BRCA1: variants seen among roughly 807,000 people sequenced by gnomAD.
The protein encoded by BRCA1 is breast cancer type 1 susceptibility protein.
A neutral mutation model predicts 173.7 loss-of-function variants in BRCA1; 140 were observed. The ratio of observed to expected loss-of-function variants is 0.81; its 90% confidence interval spans 0.70 to 0.93. The LOEUF is 0.93. Ranked by LOEUF, BRCA1 falls within the 40% of genes least tolerant of loss-of-function variation. The pLI is 0.00. For missense variants in BRCA1, 1,983 were observed against 2,172.5 expected (o/e 0.91, Z 1.73); for synonymous variants, 662 against 756.0 (o/e 0.88, Z 2.04).
At chr17:43,154,550 T>G (rs1251396160) in intron 1 of BRCA1, among the ~76,000 whole-genome samples, 1 of 151,798 alleles carries the variant, frequency 6.6e-6, no homozygotes, top group Non-Finnish European at 1.5e-5. Flanking sequence ...AAAATAATAA[T>G]AATAATAAGC....
chr17:43,151,323 A>C (rs974254148), intron 1 of BRCA1, among the ~76,000 whole-genome samples: 2 of 152,162 alleles, frequency 1.3e-5, no homozygotes, highest in African/African-American at 4.8e-5. Flanking sequence ...TCACACCTGT[A>C]ATCCCCACAT....
chr17:43,061,804 C>G lies in BRCA1; in HGVS notation c.5193+1529G>C, dbSNP rs796285317. ...TTCACCATGTTGACCAGGCTGGTCTCGAACTCCTGACCTCAAGTGATCCAC... is the reference window on the plus strand; with the variant it reads ...TTCACCATGTTGACCAGGCTGGTCTGGAACTCCTGACCTCAAGTGATCCAC... On this transcript the variant is annotated intron_variant, in intron 18 of 22. Coordinates refer to ENST00000357654, the MANE Select transcript of BRCA1 (RefSeq NM_007294.4). Among the ~76,000 whole-genome samples the G allele has an allele frequency of 1.1e-4, 17 of 151,984 alleles. No homozygotes were observed. In the East Asian group the frequency reaches 2.1e-3, roughly 19 times the overall value.
At chr17:43,150,993 A>G (rs1370331767) in intron 1 of BRCA1, among the ~76,000 whole-genome samples, 1 of 152,172 alleles carries the variant, frequency 6.6e-6, no homozygotes, top group Non-Finnish European at 1.5e-5. Context: ...GGCTGTGCCC[A>G]TCAAACACAG....
chr17:43,138,513 T>G, intron 1 of BRCA1: 1 of 643,222 alleles, frequency 1.6e-6, no homozygotes, highest in South Asian at 1.8e-5. Flanking sequence ...TTGCAAAGCC[T>G]CGGACACCCA....
At chr17:43,083,114 G>A (rs1247712883) in intron 11 of BRCA1, among the ~76,000 whole-genome samples, 1 of 151,800 alleles carries the variant, frequency 6.6e-6, no homozygotes, top group East Asian at 1.9e-4. Flanking sequence ...TAGATTACTG[G>A]CTTGTGAGGA....
chr17:43,106,653 A>T, intron 3 of BRCA1, 120 bp from the exon 4 acceptor site: 1 of 727,690 alleles, frequency 1.4e-6, no homozygotes, highest in Non-Finnish European at 2.3e-6. Context: ...CCATTTAAAA[A>T]GTAATGGCAG....
At chr17:43,080,843 C>G (rs1030555802) in intron 12 of BRCA1, among the ~76,000 whole-genome samples, 1 of 151,576 alleles carries the variant, frequency 6.6e-6, no homozygotes, top group South Asian at 2.1e-4. Context: ...GGCTCAAGAT[C>G]AGGAGTTCAA....
intron 13 of BRCA1, 108 bp downstream of exon 13, chr17:43,076,380 C>T: frequency 1.5e-6 from 2 of 1,350,218 alleles, no homozygotes; most frequent in South Asian, 1.2e-5. Context: ...TGTATAAATG[C>T]CTGTATGCAA....
upstream of BRCA1, among the ~76,000 whole-genome samples, chr17:43,129,166 C>G (rs2055943258): frequency 6.6e-6 from 1 of 152,202 alleles, no homozygotes; most frequent in Admixed American, 6.5e-5. Context: ...GGCCTAGGAC[C>G]CAGCTATCTG....
intron 11 of BRCA1, among the ~76,000 whole-genome samples, chr17:43,086,414 T>A (rs1056875183): frequency 6.6e-6 from 1 of 151,924 alleles, no homozygotes; most frequent in African/African-American, 2.4e-5. Context: ...TGATACCAAA[T>A]TAGGAATTCT....
rs886040237 is a variant in BRCA1 at position 43,074,433 on chromosome 17, G to A, written c.4573C>T (p.Gln1525Ter). 6.2e-7 allele frequency: 1 copy of A among 1,614,054 alleles called. No homozygotes were observed. The highest frequency in any genetic ancestry group is 2.2e-5 in the East Asian group (1 of 44,898). ...TCAACAACCTTAATGAGCTCCTCTT[G>A]AGATGGGTAGTTTCTATTCTGAAGA... ...GSLQNRNYPS[Q>*]EELIKVVDVE... The change falls in exon 14 of 23, where the codon CAA becomes TAA. Residue 1525 changes from glutamine to a stop codon, truncating the protein, a stop_gained. Transcript: ENST00000357654. LOFTEE classifies it high-confidence loss of function.
intron 1 of BRCA1, among the ~76,000 whole-genome samples, chr17:43,156,788 T>C (rs539944816): frequency 2.6e-5 from 4 of 152,324 alleles, no homozygotes; most frequent in African/African-American, 9.6e-5. Context: ...ATCTACACTA[T>C]ATAAACACAC....
In BRCA1 at chr17:43,092,464, CT is replaced by C. The variant is rs786202906; in HGVS notation, c.3066del (p.Val1023Ter). On this transcript the variant is annotated frameshift_variant, in exon 10 of 23. Coordinates refer to ENST00000357654, the MANE Select transcript of BRCA1 (RefSeq NM_007294.4). LOFTEE classifies it high-confidence loss of function. The part of the protein sequence containing the change: ...REMGNENIPS[T>X]VSTISRNNIR... Reference sequence around the variant, plus strand: ...ATGTTATTACGGCTAATTGTGCTCACTGTACTTGGAATGTTCTCATTTCCCA... The same window carrying C: ...ATGTTATTACGGCTAATTGTGCTCACGTACTTGGAATGTTCTCATTTCCCA... 1.9e-6 allele frequency: 3 copies of C among 1,614,000 alleles called. No individual in the cohort carries two copies. The highest frequency in any genetic ancestry group is 2.5e-6 in the Non-Finnish European group (3 of 1,179,982).
intron 17 of BRCA1, 58 bp downstream of exon 17, chr17:43,063,816 G>T: frequency 6.9e-7 from 1 of 1,444,380 alleles, no homozygotes; most frequent in Non-Finnish European, 9.7e-7. Context: ...AACGTTAGGT[G>T]TAAAAATGCA....
intron 1 of BRCA1, chr17:43,145,110 A>G (rs186435771): frequency 2.8e-6 from 2 of 720,716 alleles, no homozygotes; most frequent in Non-Finnish European, 5.2e-6. Flanking sequence ...AAAGTGCAAA[A>G]AAAGGGAAAA....
rs80357215 is a variant in BRCA1 at position 43,094,465 on chromosome 17, G to A, written c.1066C>T (p.Gln356Ter). 1 of 1,613,988 alleles carries A rather than the reference G, an allele frequency of 6.2e-7. No individual in the cohort carries two copies. Among genetic ancestry groups the A allele is most frequent in the Non-Finnish European group, 8.5e-7 (1 of 1,180,020 alleles). Residue 356 changes from glutamine (Q) to a stop codon, truncating the protein, a stop_gained, in exon 10 of 23, where the codon CAG becomes TAG. Coordinates refer to ENST00000357654, the MANE Select transcript of BRCA1 (RefSeq NM_007294.4). LOFTEE classifies it high-confidence loss of function. Reference protein sequence around the residue: ...PLCERKEWNKQKLPCSENPRD... With the variant: ...PLCERKEWNK ...GGATTCTCTGAGCATGGCAGTTTCT[G>A]CTTATTCCATTCTTTTCTCTCACAC...
intron 13 of BRCA1, 120 bp from the exon 14 acceptor site, chr17:43,074,641 G>T: frequency 2.2e-6 from 2 of 897,872 alleles, no homozygotes; most frequent in Non-Finnish European, 3.5e-6. Context: ...GAAATGACTG[G>T]CAAAAAAGAG....
chr17:43,065,015 A>G (rs926490450), intron 16 of BRCA1, among the ~76,000 whole-genome samples: 4 of 151,910 alleles, frequency 2.6e-5, no homozygotes, highest in African/African-American at 7.3e-5. Context: ...TATTTTTACT[A>G]GAGATGGGGT....
chr17:43,129,907 G>A (rs1309896540), upstream of BRCA1, among the ~76,000 whole-genome samples: 2 of 152,066 alleles, frequency 1.3e-5, no homozygotes, highest in Non-Finnish European at 2.9e-5. Context: ...AAATTTTAAC[G>A]ACCCCAGTAA....
Sources: gnomAD v4.1 joint callset for allele counts (sites outside exome capture counted in the v4.1 genomes callset) on GRCh38, gnomAD v4.1.1 for gene constraint, MANE v1.5 for transcripts, NCBI Gene and HGNC (gene_info 2026-07-23, HGNC 2026-07-21) for gene names.